Variants in USP42 observed in about 807,000 individuals in gnomAD.
USP42 encodes the protein ubiquitin specific peptidase 42, also known as ubiquitin carboxyl-terminal hydrolase 42.
Under a neutral mutation model 113.0 loss-of-function variants are expected in USP42, and 23 were observed. The ratio of observed to expected loss-of-function variants is 0.20; its 90% CI spans 0.15 to 0.29. The LOEUF is 0.29. Ranked by LOEUF, USP42 falls within the 10% of genes least tolerant of loss-of-function variation. The pLI is 1.00. For synonymous variants in USP42, 933 were observed against 699.0 expected (o/e 1.33, Z -5.28); for missense variants, 2,174 against 1,779.8 (o/e 1.22, Z -3.99).
At chr7:6,129,597 A>G (rs1471295734) in intron 3 of USP42, among the ~76,000 whole-genome samples, 1 of 150,100 alleles carries the variant, frequency 6.7e-6, no homozygotes, top group African/African-American at 2.5e-5. Flanking sequence ...GCGGTGGCTC[A>G]TGCCTGTAAT....
At chr7:6,151,520 C>T (rs1782049570) in intron 14 of USP42, among the ~76,000 whole-genome samples, 1 of 152,174 alleles carries the variant, frequency 6.6e-6, no homozygotes, top group African/African-American at 2.4e-5. Flanking sequence ...TCACTGCAGC[C>T]TCCGCCTCCC....
chr7:6,101,394 G>A (rs1020456422), upstream of USP42, among the ~76,000 whole-genome samples: 7 of 151,092 alleles, frequency 4.6e-5, no homozygotes, highest in African/African-American at 7.4e-5. Context: ...ATCAGTTTGC[G>A]TCTTGCATAA....
chr7:6,106,368 T>A (rs544819482), intron 1 of USP42, among the ~76,000 whole-genome samples: 1 of 152,226 alleles, frequency 6.6e-6, no homozygotes, highest in Non-Finnish European at 1.5e-5. Flanking sequence ...ATTACCTCAA[T>A]GTATGCAGAG....
Position 6,154,149 on chromosome 7 carries a change from GC to G in USP42, c.2598del (p.Cys867AlafsTer274). 1 of 1,594,828 alleles carries G rather than the reference GC, an allele frequency of 6.3e-7. No homozygotes were observed. ...CGGCTCCGCCTGCGCGGTCGGAGGAGCCCTGCGAGCAGCCACTCCTTGTTCA... is the reference window on the plus strand; with the variant it reads ...CGGCTCCGCCTGCGCGGTCGGAGGAGCCTGCGAGCAGCCACTCCTTGTTCA... ...SPAPPARSEE[P>X]CEQPLLVHPS... is the part of the protein sequence containing the mutation. On this transcript the variant is annotated frameshift_variant, in exon 15 of 18. Transcript: ENST00000306177. LOFTEE classifies it high-confidence loss of function.
At chr7:6,127,992 G>A (rs1780631074) in intron 3 of USP42, 1 of 152,034 alleles carries the variant, frequency 6.6e-6, no homozygotes, top group African/African-American at 2.4e-5. Flanking sequence ...TGTGATCATA[G>A]CTCACTGCAT....
chr7:6,092,154 C>A, the USP42 span, among the ~76,000 whole-genome samples: 1 of 139,412 alleles, frequency 7.2e-6, no homozygotes, highest in African/African-American at 2.8e-5. Context: ...TCTTCCTCTT[C>A]TTCTTCTTCT....
In USP42 at chr7:6,157,473, C is replaced by T. The variant is rs1337100484; in HGVS notation, c.3943+418C>T. 7.9e-6 allele frequency: 6 copies of T among 761,908 alleles called. No homozygotes were observed. The highest frequency in any genetic ancestry group is 9.6e-6 in the Non-Finnish European group (6 of 626,146). 47.2% of individuals were successfully genotyped at this position (761,908 alleles called of 1,614,324 possible). On this transcript the variant is annotated intron_variant, in intron 16 of 17. Transcript: ENST00000306177. This position sits in a 1 kb window ranked among gnomAD's most constrained non-coding sequence, Gnocchi z 4.1. ...GTGCAGTGGCGGCGATCTCAGCTCA[C>T]TGCAACCTCTGCCTCCCAGGTTCAT...
At chr7:6,131,785 A>T (rs939802135) in intron 3 of USP42, among the ~76,000 whole-genome samples, 2 of 152,086 alleles carry the variant, frequency 1.3e-5, no homozygotes, top group Non-Finnish European at 2.9e-5. Flanking sequence ...TACCTTTCAC[A>T]GCCTTTTAAG....
intron 11 of USP42, 52 bp downstream of exon 11, chr7:6,146,300 G>T: frequency 7.5e-6 from 8 of 1,059,770 alleles, no homozygotes; most frequent in South Asian, 1.5e-5. Flanking sequence ...ATTTCTTCTT[G>T]TCTTATCAAC....
Position 6,109,693 on chromosome 7 carries a change from G to A in USP42, c.-9-1432G>A, listed in dbSNP as rs1043687714. Among the ~76,000 whole-genome samples, 6 of 144,116 alleles carry A rather than the reference G, an allele frequency of 4.2e-5. No homozygotes were observed. In the South Asian group the frequency reaches 1.1e-3, roughly 26 times the overall value. 94.5% of individuals were successfully genotyped at this position (144,116 alleles called of 152,430 possible). On this transcript the variant is annotated intron_variant, in intron 1 of 17. Transcript: ENST00000306177. ...ACAGGGGTGTGAGCCACTGCGCCCC[G>A]CCCGGCCTTTTTTTTTTTTTTTTTT... is the stretch of plus-strand genomic sequence containing the variant.
intron 3 of USP42, among the ~76,000 whole-genome samples, chr7:6,117,497 C>T (rs1358271496): frequency 1.3e-5 from 2 of 152,196 alleles, no homozygotes; most frequent in Non-Finnish European, 2.9e-5. Context: ...AATTAAGCTG[C>T]TATGAACATT....
intron 2 of USP42, among the ~76,000 whole-genome samples, chr7:6,114,674 ATATATTTTTTTTTT>A (rs1329730684): frequency 0.11 from 3,591 of 33,942 alleles, 45 homozygotes; most frequent in African/African-American, 0.16. Flanking sequence ...ATATATATAT[ATATATTTTTTTTTT>A]TTTTTTTTTT....
chr7:6,100,378 G>A (rs971562059), upstream of USP42, among the ~76,000 whole-genome samples: 7 of 150,846 alleles, frequency 4.6e-5, no homozygotes, highest in South Asian at 8.3e-4. Flanking sequence ...TGCCCAGGCT[G>A]GAGTGCAATG....
the USP42 span, among the ~76,000 whole-genome samples, chr7:6,083,291 T>C: frequency 1.3e-5 from 2 of 148,256 alleles, no homozygotes; most frequent in Non-Finnish European, 3.0e-5. Flanking sequence ...AGTCTAGCGC[T>C]GTGGCCCAGG....
At chr7:6,086,789 C>T in the USP42 span, among the ~76,000 whole-genome samples, 1 of 150,250 alleles carries the variant, frequency 6.7e-6, no homozygotes, top group Non-Finnish European at 1.5e-5. Context: ...TGCAATGGCG[C>T]GGTCTCAGCT....
chr7:6,104,613 G>A (rs891649929), upstream of USP42, among the ~76,000 whole-genome samples: 99 of 152,292 alleles, frequency 6.5e-4, 1 homozygote, highest in African/African-American at 2.4e-3. Context: ...CCCGCCGCGC[G>A]CCGTCTGGCT....
chr7:6,142,500 G>A (rs1269082004), intron 7 of USP42, among the ~76,000 whole-genome samples: 2 of 152,198 alleles, frequency 1.3e-5, no homozygotes, highest in Admixed American at 6.5e-5. Flanking sequence ...ACAGGCGTGA[G>A]CCACCACGCC....
the USP42 span, among the ~76,000 whole-genome samples, chr7:6,090,346 A>C: frequency 3.3e-5 from 4 of 119,896 alleles, no homozygotes; most frequent in Non-Finnish European, 5.0e-5. Context: ...TTATATATAT[A>C]TTTATATATA....
chr7:6,156,636 A>G (rs919592229), intron 15 of USP42, 118 bp from the exon 16 acceptor site: 7 of 1,400,074 alleles, frequency 5.0e-6, no homozygotes, highest in Non-Finnish European at 4.6e-6. Context: ...TTAGATAAGA[A>G]TTGTGCGTGT....
Sources: gnomAD v4.1 joint callset for allele counts (sites outside exome capture counted in the v4.1 genomes callset) on GRCh38, gnomAD v4.1.1 for gene constraint, Gnocchi (gnomAD v3.1) non-coding constraint, MANE v1.5 for transcripts, NCBI Gene and HGNC (gene_info 2026-07-23, HGNC 2026-07-21) for gene names.